DCDC2: variants seen among roughly 807,000 people sequenced by gnomAD.
DCDC2 encodes doublecortin domain containing 2.
In DCDC2, 40 loss-of-function variants were observed where a neutral mutation model predicts 50.2. The observed-to-expected ratio is 0.80, with a 90% CI of 0.62 to 1.04. The LOEUF (loss-of-function observed/expected upper bound fraction) is 1.04, where lower values mean the gene tolerates loss of function less well. Ranked by LOEUF, DCDC2 falls within the 50% of genes least tolerant of loss-of-function variation. DCDC2 has a pLI of 0.00. For missense variants in DCDC2, 570 were observed against 581.9 expected (o/e 0.98, Z 0.21); for synonymous variants, 234 against 210.6 (o/e 1.11, Z -0.96).
chr6:24,346,613 G>T (rs1480069174), intron 2 of DCDC2, among the ~76,000 whole-genome samples: 1 of 152,092 alleles, frequency 6.6e-6, no homozygotes, highest in African/African-American at 2.4e-5. Flanking sequence ...AATTTAGCCG[G>T]GTGTAGTGGC....
chr6:24,295,194 C>A (rs532111391), intron 4 of DCDC2, among the ~76,000 whole-genome samples: 18 of 152,248 alleles, frequency 1.2e-4, no homozygotes, highest in African/African-American at 4.3e-4. Flanking sequence ...ACGTGATTCA[C>A]CACATAAACA....
At position 24,250,978 on chromosome 6, in the gene DCDC2, C is replaced by T. The variant is rs527309673; in HGVS notation, c.922+27071G>A. ...AATGGTAACATAAACGCCTTGAAAA[C>T]AACTGCAAGGAAAGAGGTATAGTCT... On this transcript the variant is annotated intron_variant, in intron 7 of 9. Coordinates refer to ENST00000378454, the MANE Select transcript of DCDC2 (RefSeq NM_016356.5). Among the ~76,000 whole-genome samples, 209 of 152,214 alleles carry T rather than the reference C, an allele frequency of 1.4e-3. 2 individuals are homozygous for T. Among genetic ancestry groups the T allele is most frequent in the African/African-American group, 4.8e-3 (198 of 41,512 alleles).
Position 24,357,444 on chromosome 6 carries a change from G to A in DCDC2, c.293+14C>T. On this transcript the variant is annotated intron_variant, in intron 1 of 9. Transcript: ENST00000378454. ...GGCACCTAAATGGGTGGGCGGTGGG[G>A]GAGACCGACTCACTTGAGTTTCTTG... is the stretch of plus-strand genomic sequence containing the variant. The A allele has an allele frequency of 6.3e-7, 1 of 1,585,022 alleles. No homozygotes were observed. The highest frequency in any genetic ancestry group is 1.7e-4 in the Middle Eastern group (1 of 5,902).
chr6:24,195,062 T>G (rs1306193645), intron 8 of DCDC2, among the ~76,000 whole-genome samples: 2 of 152,136 alleles, frequency 1.3e-5, no homozygotes, highest in Non-Finnish European at 2.9e-5. Context: ...TACCCCTGTA[T>G]GTGCACACAC....
At chr6:24,346,753 CAAAA>C (rs11385934) in intron 2 of DCDC2, among the ~76,000 whole-genome samples, 1 of 119,178 alleles carries the variant, frequency 8.4e-6, no homozygotes. Flanking sequence ...GACTCCATCT[CAAAA>C]AAAAAAAAAA....
chr6:24,205,769 T>C (rs573542855), intron 7 of DCDC2, among the ~76,000 whole-genome samples: 345 of 152,314 alleles, frequency 2.3e-3, no homozygotes, highest in Middle Eastern at 6.8e-3. Flanking sequence ...AATAGCTGTT[T>C]TTCATATTTG....
chr6:24,288,095 A>G (rs1763652552), intron 6 of DCDC2, among the ~76,000 whole-genome samples: 1 of 152,234 alleles, frequency 6.6e-6, no homozygotes, highest in Admixed American at 6.5e-5. Context: ...CATTGCCTAG[A>G]AATCATTTAC....
chr6:24,263,165 T>A lies in DCDC2; in HGVS notation c.922+14884A>T, dbSNP rs373944719. On this transcript the variant is annotated intron_variant, in intron 7 of 9. Coordinates refer to ENST00000378454, the MANE Select transcript of DCDC2 (RefSeq NM_016356.5). Reference sequence around the variant, plus strand: ...CATCTGCCAAGAGTCACAGCATTACTCGGCTTGAGGTGCCCCCTAATGCAG... The same window carrying A: ...CATCTGCCAAGAGTCACAGCATTACACGGCTTGAGGTGCCCCCTAATGCAG... Among the ~76,000 whole-genome samples the A allele has an allele frequency of 7.9e-5, 12 of 152,350 alleles. No homozygotes were observed. In the South Asian group the frequency reaches 2.1e-3, roughly 26 times the overall value.
intron 2 of DCDC2, among the ~76,000 whole-genome samples, chr6:24,318,850 T>C (rs898816109): frequency 6.6e-6 from 1 of 151,824 alleles, no homozygotes; most frequent in Admixed American, 6.6e-5. Context: ...ACACTTAGGT[T>C]GAGTCCATAT....
intron 2 of DCDC2, chr6:24,353,192 C>A: frequency 2.3e-6 from 1 of 430,792 alleles, no homozygotes. Context: ...CTGGCTACAT[C>A]AAACACTGAG....
intron 2 of DCDC2, among the ~76,000 whole-genome samples, chr6:24,318,482 CT>C (rs777538333): frequency 9.9e-5 from 15 of 152,010 alleles, no homozygotes; most frequent in Non-Finnish European, 2.1e-4. Context: ...GAAGTTTGGA[CT>C]TTTAGTGTAT....
At chr6:24,293,378 C>CATA (rs1463568514) in intron 4 of DCDC2, among the ~76,000 whole-genome samples, 4 of 152,096 alleles carry the variant, frequency 2.6e-5, no homozygotes, top group Non-Finnish European at 4.4e-5. Flanking sequence ...TATACTGATG[C>CATA]ATAGGGAGGG....
In DCDC2 at chr6:24,172,364, T is replaced by C. The variant is rs1265028767; in HGVS notation, c.*2366A>G. 35 of 152,334 alleles carry C rather than the reference T, an allele frequency of 2.3e-4. No individual in the cohort carries two copies. The highest frequency in any genetic ancestry group is 8.8e-5 in the Non-Finnish European group (6 of 68,030). 9.4% of individuals were successfully genotyped at this position (152,334 alleles called of 1,614,324 possible). ...TGAATATGTCCCCATTTTTAAGTTT[T>C]TTTGGTACAGTTATTGTGGCTTATT... is the stretch of plus-strand genomic sequence containing the variant. On this transcript the variant is annotated 3_prime_UTR_variant, in exon 10 of 10. Transcript: ENST00000378454.
intron 8 of DCDC2, among the ~76,000 whole-genome samples, chr6:24,180,294 G>GT (rs1165764669): frequency 9.1e-4 from 138 of 151,344 alleles, no homozygotes; most frequent in African/African-American, 2.9e-3. Context: ...TTGTTTTTTG[G>GT]TTTTTTTTGA....
intron 2 of DCDC2, among the ~76,000 whole-genome samples, chr6:24,320,958 T>A (rs10946691): frequency 0.81 from 119,371 of 147,632 alleles, 47,882 homozygotes; most frequent in Non-Finnish European, 0.85. Context: ...ATAAAAAAAT[T>A]AAAAAAAAAA....
chr6:24,342,368 A>G (rs1353232657), intron 2 of DCDC2, among the ~76,000 whole-genome samples: 1 of 152,204 alleles, frequency 6.6e-6, no homozygotes, highest in Non-Finnish European at 1.5e-5. Flanking sequence ...GTTTATTTGC[A>G]TGGAAGAACT....
chr6:24,271,726 A>G lies in DCDC2; in HGVS notation c.922+6323T>C, dbSNP rs916395763. On this transcript the variant is annotated intron_variant, in intron 7 of 9. Transcript: ENST00000378454. ...GGAAACACCATTGTACACAGTGGGC[A>G]ACCTACACAGCATCGGCAGCACAAT... Among the ~76,000 whole-genome samples, 20 of 152,342 alleles carry G rather than the reference A, an allele frequency of 1.3e-4. No homozygotes were observed. In the South Asian group the frequency reaches 3.5e-3, roughly 27 times the overall value.
chr6:24,196,579 C>T lies in DCDC2; in HGVS notation c.1023+8423G>A, dbSNP rs141345722. Among the ~76,000 whole-genome samples, 53 of 152,222 alleles carry T rather than the reference C, an allele frequency of 3.5e-4. 1 individual carries two copies. The East Asian group carries it at 9.7e-3, about 28-fold the overall frequency. On this transcript the variant is annotated intron_variant, in intron 8 of 9. Transcript: ENST00000378454. ...GGAATTACAGGTGCCTGTCACCACA[C>T]CTGGTTAATTTTTTGTATTTTCAGT... is the stretch of plus-strand genomic sequence containing the variant.
At chr6:24,243,285 G>A (rs1003572555) in intron 7 of DCDC2, among the ~76,000 whole-genome samples, 1 of 152,134 alleles carries the variant, frequency 6.6e-6, no homozygotes, top group African/African-American at 2.4e-5. Flanking sequence ...GCAGATAACA[G>A]AGTCTTACTC....
Sources: gnomAD v4.1 joint callset for allele counts (sites outside exome capture counted in the v4.1 genomes callset) on GRCh38, gnomAD v4.1.1 for gene constraint, MANE v1.5 for transcripts, NCBI Gene and HGNC (gene_info 2026-07-23, HGNC 2026-07-21) for gene names.